The following ADGRB3 variants were observed in gnomAD, a reference collection of about 807,000 sequenced individuals.
ADGRB3 encodes adhesion G protein-coupled receptor B3.
In ADGRB3, 37 loss-of-function variants were observed where a neutral mutation model predicts 193.4. That is an observed-to-expected ratio of 0.19 (90% CI 0.15 to 0.25). ADGRB3 has a LOEUF of 0.25. ADGRB3 is among the 10% of genes least tolerant of loss of function. The probability of loss-of-function intolerance (pLI) is 1.00; values close to 1 mark genes in which losing one functional copy is unlikely to be tolerated. For missense variants in ADGRB3, 1,637 were observed against 1,852.9 expected (o/e 0.88, Z 2.14); for synonymous variants, 690 against 644.2 (o/e 1.07, Z -1.08).
chr6:68,874,227 C>T (rs954925804), intron 3 of ADGRB3, among the ~76,000 whole-genome samples: 7 of 152,068 alleles, frequency 4.6e-5, no homozygotes, highest in Admixed American at 1.3e-4. Flanking sequence ...ATGAAATGCA[C>T]GATTTTGCAT....
intron 3 of ADGRB3, among the ~76,000 whole-genome samples, chr6:68,644,844 T>C (rs1380319917): frequency 6.6e-6 from 1 of 152,216 alleles, no homozygotes; most frequent in Non-Finnish European, 1.5e-5. Flanking sequence ...TGCATTTGTT[T>C]GTATGTATAC....
At chr6:69,046,451 A>G (rs1771240900) in intron 13 of ADGRB3, among the ~76,000 whole-genome samples, 1 of 152,214 alleles carries the variant, frequency 6.6e-6, no homozygotes, top group Non-Finnish European at 1.5e-5. Flanking sequence ...GGAGAGATGA[A>G]CTGGATTATT....
At chr6:68,687,652 A>T (rs1219489579) in intron 3 of ADGRB3, among the ~76,000 whole-genome samples, 1 of 152,188 alleles carries the variant, frequency 6.6e-6, no homozygotes, top group African/African-American at 2.4e-5. Context: ...TCATTCATTC[A>T]TGAATAATCA....
intron 17 of ADGRB3, among the ~76,000 whole-genome samples, chr6:69,145,284 C>T (rs1174641388): frequency 1.3e-5 from 2 of 152,214 alleles, no homozygotes; most frequent in African/African-American, 2.4e-5. Context: ...GGGTGGGCAG[C>T]TCCAGGCACT....
intron 3 of ADGRB3, among the ~76,000 whole-genome samples, chr6:68,881,188 T>TC (rs397813765): frequency 2.6e-5 from 4 of 151,660 alleles, no homozygotes; most frequent in Non-Finnish European, 4.4e-5. Context: ...TTTTTTTTTT[T>TC]CAAATAAATA....
In ADGRB3 at chr6:68,907,758, A is replaced by G. The variant is rs528025665; in HGVS notation, c.758-22801A>G. On this transcript the variant is annotated intron_variant, in intron 3 of 31. Transcript: ENST00000370598. Reference sequence around the variant, plus strand: ...AGTATTTTACTTAGTATTTTCAGATAAGTTATTTTGCCTTATGGTTATTTT... The same window carrying G: ...AGTATTTTACTTAGTATTTTCAGATGAGTTATTTTGCCTTATGGTTATTTT... Among the ~76,000 whole-genome samples, 16 of 151,984 alleles carry G rather than the reference A, an allele frequency of 1.1e-4. No homozygotes were observed. In the East Asian group the frequency reaches 2.5e-3, roughly 24 times the overall value.
chr6:68,765,752 A>T (rs1766497395), intron 3 of ADGRB3, among the ~76,000 whole-genome samples: 1 of 152,026 alleles, frequency 6.6e-6, no homozygotes, highest in Non-Finnish European at 1.5e-5. Flanking sequence ...AATATCATAA[A>T]ATTGGACAGT....
intron 3 of ADGRB3, among the ~76,000 whole-genome samples, chr6:68,864,158 G>A (rs1371285209): frequency 6.6e-6 from 1 of 152,104 alleles, no homozygotes; most frequent in Non-Finnish European, 1.5e-5. Context: ...TATGAATAAA[G>A]TTCACCAAGT....
At chr6:69,153,725 A>G (rs973402661) in intron 17 of ADGRB3, among the ~76,000 whole-genome samples, 2 of 152,272 alleles carry the variant, frequency 1.3e-5, no homozygotes, top group East Asian at 3.9e-4. Context: ...TTAGAAACAT[A>G]AGAGTAACCT....
intron 16 of ADGRB3, among the ~76,000 whole-genome samples, chr6:69,067,042 C>T (rs1054866608): frequency 1.3e-5 from 2 of 152,082 alleles, no homozygotes; most frequent in Non-Finnish European, 2.9e-5. Flanking sequence ...ATCTCATGCT[C>T]TATCAACTTT....
intron 20 of ADGRB3, among the ~76,000 whole-genome samples, chr6:69,323,039 G>A (rs937642276): frequency 6.6e-6 from 1 of 151,908 alleles, no homozygotes; most frequent in Non-Finnish European, 1.5e-5. Flanking sequence ...GTGAAGTAAT[G>A]AACACAATAT....
At chr6:69,052,090 A>G (rs544933456) in intron 15 of ADGRB3, among the ~76,000 whole-genome samples, 10 of 152,222 alleles carry the variant, frequency 6.6e-5, no homozygotes, top group Admixed American at 1.3e-4. Context: ...GGGTTTCACC[A>G]TGTTAGCCAG....
In ADGRB3 at chr6:69,049,367, CTG is replaced by C. The variant is rs1212587393; in HGVS notation, c.2333+23_2333+24del. 3.9e-6 allele frequency: 6 copies of C among 1,541,212 alleles called. No homozygotes were observed. The African/African-American group carries it at 6.9e-5, about 18-fold the overall frequency. On this transcript the variant is annotated intron_variant, in intron 15 of 31. Coordinates refer to ENST00000370598, the MANE Select transcript of ADGRB3 (RefSeq NM_001704.3). ...TTGAGGTAAGCTACAAAGTAATAAA[CTG>C]TTGTAATTTTGTAAATTATTCCAAA...
At chr6:68,883,589 C>G (rs1361867437) in intron 3 of ADGRB3, among the ~76,000 whole-genome samples, 1 of 151,962 alleles carries the variant, frequency 6.6e-6, no homozygotes, top group East Asian at 1.9e-4. Context: ...GAGGAGTGAA[C>G]AACTCTGGAC....
chr6:68,789,784 G>A (rs925625010), intron 3 of ADGRB3, among the ~76,000 whole-genome samples: 1 of 152,114 alleles, frequency 6.6e-6, no homozygotes, highest in African/African-American at 2.4e-5. Flanking sequence ...TCACTTTCAG[G>A]TACACCAATC....
In ADGRB3 at chr6:69,360,993, G is replaced by A. The variant is rs1383449890; in HGVS notation, c.3720G>A (p.Leu1240=). 6.2e-7 allele frequency: 1 copy of A among 1,612,684 alleles called. No individual in the cohort carries two copies. Among genetic ancestry groups the A allele is most frequent in the Non-Finnish European group, 8.5e-7 (1 of 1,179,158 alleles). ...TNPEGLSYST[L]PGNVISKVII... is the part of the protein sequence containing the mutation. ...CTGAAGGGCTAAGCTATTCAACATTGCCTGGAAATGTCATTTCCAAAGTCA... is the reference window on the plus strand; with the variant it reads ...CTGAAGGGCTAAGCTATTCAACATTACCTGGAAATGTCATTTCCAAAGTCA... The change falls in exon 29 of 32, where the codon TTG becomes TTA. Residue 1240 remains leucine (L), a synonymous_variant. Transcript: ENST00000370598.
chr6:68,837,055 C>T (rs1523933), intron 3 of ADGRB3, among the ~76,000 whole-genome samples: 61,939 of 151,958 alleles, frequency 0.41, 13,956 homozygotes, highest in African/African-American at 0.59. Flanking sequence ...AACCTCTAGC[C>T]CTCTCAATGG....
intron 18 of ADGRB3, among the ~76,000 whole-genome samples, chr6:69,233,980 TGAAA>T (rs1766207481): frequency 2.0e-5 from 3 of 152,188 alleles, no homozygotes; most frequent in Non-Finnish European, 2.9e-5. Context: ...AAATAGTTTC[TGAAA>T]GAGACAGCTG....
intron 26 of ADGRB3, among the ~76,000 whole-genome samples, chr6:69,352,828 A>T (rs1204240384): frequency 6.6e-6 from 1 of 152,228 alleles, no homozygotes; most frequent in African/African-American, 2.4e-5. Context: ...TCTCACATCA[A>T]AATGGTGACA....
Sources: allele counts gnomAD v4.1 joint callset (sites outside exome capture counted in the v4.1 genomes callset), GRCh38; gene constraint gnomAD v4.1.1; transcripts MANE v1.5; gene names NCBI Gene and HGNC (gene_info 2026-07-23, HGNC 2026-07-21).